Variants in RSU1 observed in about 807,000 individuals in gnomAD.
The protein encoded by RSU1 is Ras suppressor protein 1, also known as rsu-1.
Under a neutral mutation model 31.1 loss-of-function variants are expected in RSU1, and 26 were observed. The observed-to-expected ratio is 0.84, with a 90% CI of 0.61 to 1.16. RSU1 has a LOEUF of 1.16. Among genes scored for constraint, RSU1 ranks in the 50% most tolerant of loss-of-function variants. The probability of loss-of-function intolerance (pLI) is 0.00; values close to 1 mark genes in which losing one functional copy is unlikely to be tolerated. For synonymous variants in RSU1, 164 were observed against 136.3 expected (o/e 1.20, Z -1.41); for missense variants, 320 against 339.1 (o/e 0.94, Z 0.44).
intron 2 of RSU1, among the ~76,000 whole-genome samples, chr10:16,806,998 C>T (rs11254205): frequency 0.15 from 22,988 of 152,086 alleles, 2,189 homozygotes; most frequent in East Asian, 0.31. Flanking sequence ...ACTCAGGTGA[C>T]CCACCCACGT....
At chr10:16,726,319 G>A (rs561596145) in intron 7 of RSU1, among the ~76,000 whole-genome samples, 1 of 144,610 alleles carries the variant, frequency 6.9e-6, no homozygotes, top group East Asian at 2.0e-4. Flanking sequence ...CCAGGTTAGA[G>A]TGCAGTGGCG....
At chr10:16,784,271 TTTG>T (rs1837722820) in intron 2 of RSU1, among the ~76,000 whole-genome samples, 1 of 151,956 alleles carries the variant, frequency 6.6e-6, no homozygotes, top group African/African-American at 2.4e-5. Flanking sequence ...TTTGTTTTAT[TTTG>T]TTTTGTTTTT....
At position 16,782,136 on chromosome 10, in the gene RSU1, C is replaced by A. The variant is rs774681135; in HGVS notation, c.110-52G>T. On this transcript the variant is annotated intron_variant, in intron 2 of 8. Transcript: ENST00000345264. ...TCAGTCAGTAAATGTATCACTGTAT[C>A]CGGATTCTACCTGTACTCCTACAAA... 3.5e-6 allele frequency: 5 copies of A among 1,418,790 alleles called. No individual in the cohort carries two copies. The Admixed American group carries it at 5.2e-5, about 15-fold the overall frequency. The allele number at this position is 1,418,790 out of a possible 1,614,324, so 87.9% of individuals were successfully genotyped here.
intron 2 of RSU1, among the ~76,000 whole-genome samples, chr10:16,811,170 T>A (rs1250381812): frequency 6.6e-6 from 1 of 152,190 alleles, no homozygotes; most frequent in South Asian, 2.1e-4. Context: ...TACAATCACA[T>A]GCTGTACAGT....
intron 2 of RSU1, among the ~76,000 whole-genome samples, chr10:16,798,893 T>TA (rs1484865542): frequency 6.6e-6 from 1 of 152,214 alleles, no homozygotes; most frequent in Non-Finnish European, 1.5e-5. Flanking sequence ...GTCGAGTCTC[T>TA]ATACCTGTAA....
chr10:16,661,322 G>T, intron 8 of RSU1, among the ~76,000 whole-genome samples: 1 of 149,626 alleles, frequency 6.7e-6, no homozygotes, highest in African/African-American at 2.5e-5. Context: ...GTGTGTGTGT[G>T]TGTGTGTAAG....
chr10:16,600,731 T>G (rs895052049), intron 8 of RSU1, among the ~76,000 whole-genome samples: 1 of 152,018 alleles, frequency 6.6e-6, no homozygotes, highest in East Asian at 1.9e-4. Context: ...CCAGCTTATT[T>G]TAAAATCTTA....
At chr10:16,695,269 T>C (rs1588720087) in intron 7 of RSU1, 114 bp from the exon 8 acceptor site, 2 of 970,782 alleles carry the variant, frequency 2.1e-6, no homozygotes, top group East Asian at 2.5e-5. Context: ...TAAGTGCCTC[T>C]TGGATCATTT....
chr10:16,676,579 G>C (rs956669572), intron 8 of RSU1, among the ~76,000 whole-genome samples: 2 of 152,184 alleles, frequency 1.3e-5, no homozygotes, highest in African/African-American at 4.8e-5. Flanking sequence ...CTTGGGACCA[G>C]AAGTATTTTG....
chr10:16,800,659 T>C (rs1456668400), intron 2 of RSU1, among the ~76,000 whole-genome samples: 1 of 152,202 alleles, frequency 6.6e-6, no homozygotes, highest in Admixed American at 6.5e-5. Context: ...AAATGAATGA[T>C]ACCGATTCTA....
chr10:16,680,814 T>C (rs934786360), intron 8 of RSU1, among the ~76,000 whole-genome samples: 4 of 152,126 alleles, frequency 2.6e-5, no homozygotes, highest in African/African-American at 9.7e-5. Context: ...TGCGGACAGA[T>C]ATCCAAACTA....
intron 7 of RSU1, among the ~76,000 whole-genome samples, chr10:16,736,593 T>C (rs1836632941): frequency 6.6e-6 from 1 of 151,638 alleles, no homozygotes; most frequent in East Asian, 1.9e-4. Flanking sequence ...CAACCAAAAA[T>C]GTACTATTCT....
chr10:16,656,344 T>C (rs1834777937), intron 8 of RSU1, among the ~76,000 whole-genome samples: 1 of 152,214 alleles, frequency 6.6e-6, no homozygotes, highest in Non-Finnish European at 1.5e-5. Flanking sequence ...CAACTTGAAA[T>C]GGCTGCCTAG....
chr10:16,726,872 A>G (rs1231545131), intron 7 of RSU1, among the ~76,000 whole-genome samples: 2 of 152,156 alleles, frequency 1.3e-5, no homozygotes, highest in Non-Finnish European at 2.9e-5. Context: ...GAAGCGAGCC[A>G]GTAGGTTCAA....
chr10:16,809,870 G>C (rs1245023561), intron 2 of RSU1, among the ~76,000 whole-genome samples: 1 of 151,872 alleles, frequency 6.6e-6, no homozygotes, highest in Non-Finnish European at 1.5e-5. Flanking sequence ...ACATGTAATA[G>C]ACACCTTATA....
chr10:16,626,226 T>G (rs1000523450), intron 8 of RSU1, among the ~76,000 whole-genome samples: 2 of 151,986 alleles, frequency 1.3e-5, no homozygotes, highest in Non-Finnish European at 2.9e-5. Flanking sequence ...TTATTTTAAA[T>G]TTTTTGTAGA....
At chr10:16,648,906 G>T (rs1181463851) in intron 8 of RSU1, among the ~76,000 whole-genome samples, 1 of 152,078 alleles carries the variant, frequency 6.6e-6, no homozygotes, top group East Asian at 1.9e-4. Context: ...TAGTATAAAA[G>T]TCATTAGCAG....
intron 8 of RSU1, among the ~76,000 whole-genome samples, chr10:16,667,228 T>C (rs1332083214): frequency 6.6e-6 from 1 of 152,216 alleles, no homozygotes; most frequent in African/African-American, 2.4e-5. Flanking sequence ...AGATTCACTT[T>C]TCTAATAATG....
intron 8 of RSU1, among the ~76,000 whole-genome samples, chr10:16,607,747 C>G (rs188601761): frequency 2.0e-5 from 3 of 152,302 alleles, no homozygotes; most frequent in East Asian, 1.9e-4. Flanking sequence ...TAGAGCAAAT[C>G]ACTTTAATAT....
Sources: gnomAD v4.1 joint callset for allele counts (sites outside exome capture counted in the v4.1 genomes callset) on GRCh38, gnomAD v4.1.1 for gene constraint, MANE v1.5 for transcripts, NCBI Gene and HGNC (gene_info 2026-07-23, HGNC 2026-07-21) for gene names.